Variants in ZFAND6 observed in about 807,000 individuals in gnomAD.
ZFAND6 encodes AN1-type zinc finger protein 6.
A neutral mutation model predicts 24.5 loss-of-function variants in ZFAND6; 12 were observed. The ratio of observed to expected loss-of-function variants is 0.49; its 90% confidence interval spans 0.31 to 0.79. ZFAND6 has a LOEUF of 0.79. Among genes scored for constraint, ZFAND6 ranks in the 30% least tolerant of loss-of-function variants. The pLI, the probability that ZFAND6 is intolerant of heterozygous loss-of-function variation, is 0.04. For synonymous variants in ZFAND6, 92 were observed against 81.5 expected (o/e 1.13, Z -0.69); for missense variants, 207 against 245.9 (o/e 0.84, Z 1.06).
intron 1 of ZFAND6, among the ~76,000 whole-genome samples, chr15:80,063,993 T>A (rs1443054349): frequency 1.3e-5 from 2 of 152,258 alleles, no homozygotes; most frequent in Non-Finnish European, 2.9e-5. Context: ...TGACCCAGAC[T>A]GGCCACATTT....
intron 1 of ZFAND6, among the ~76,000 whole-genome samples, chr15:80,097,082 C>A (rs1051049628): frequency 6.6e-6 from 1 of 151,508 alleles, no homozygotes; most frequent in Non-Finnish European, 1.5e-5. Flanking sequence ...ACACTGCAAC[C>A]TCCACCTCCC....
At chr15:80,087,720 ATATT>A (rs996793341) in intron 1 of ZFAND6, among the ~76,000 whole-genome samples, 2 of 152,078 alleles carry the variant, frequency 1.3e-5, no homozygotes, top group Non-Finnish European at 2.9e-5. Context: ...CTTTTAATTT[ATATT>A]TATTTTCAAA....
intron 2 of ZFAND6, among the ~76,000 whole-genome samples, chr15:80,105,239 T>A (rs1017140185): frequency 1.3e-5 from 2 of 152,250 alleles, no homozygotes; most frequent in African/African-American, 4.8e-5. Flanking sequence ...TACATCATTT[T>A]ATAAACTTTT....
intron 2 of ZFAND6, among the ~76,000 whole-genome samples, chr15:80,115,767 G>T (rs145474396): frequency 2.6e-4 from 39 of 151,818 alleles, no homozygotes; most frequent in African/African-American, 9.2e-4. Context: ...ATTTGATGCC[G>T]TGCAGGCAGT....
At chr15:80,091,160 G>GGGGTGTGTGT (rs367758438) in intron 1 of ZFAND6, among the ~76,000 whole-genome samples, 4 of 150,166 alleles carry the variant, frequency 2.7e-5, no homozygotes, top group Non-Finnish European at 5.9e-5. Flanking sequence ...GTTGTTAAGG[G>GGGGTGTGTGT]GTGTGTGTGT....
intron 1 of ZFAND6, among the ~76,000 whole-genome samples, chr15:80,087,806 T>C (rs995433971): frequency 2.0e-5 from 3 of 152,358 alleles, no homozygotes; most frequent in East Asian, 1.9e-4. Flanking sequence ...CCAATTGTTA[T>C]ACTGTGTCCT....
At chr15:80,099,691 A>G (rs2038934012) in intron 2 of ZFAND6, among the ~76,000 whole-genome samples, 1 of 128,000 alleles carries the variant, frequency 7.8e-6, no homozygotes, top group Non-Finnish European at 1.6e-5. Flanking sequence ...ATTTCTGCTC[A>G]CTGCATCCTC....
chr15:80,119,030 A>G (rs1301193490), intron 2 of ZFAND6, among the ~76,000 whole-genome samples: 2 of 152,148 alleles, frequency 1.3e-5, no homozygotes, highest in East Asian at 1.9e-4. Context: ...TGTAATACAT[A>G]TACACCCATT....
At chr15:80,114,064 G>T (rs1204431519) in intron 2 of ZFAND6, among the ~76,000 whole-genome samples, 3 of 152,174 alleles carry the variant, frequency 2.0e-5, no homozygotes. Context: ...GTTTCCAAGA[G>T]TGAGCATGAT....
intron 5 of ZFAND6, among the ~76,000 whole-genome samples, chr15:80,124,432 CAA>C (rs879814034): frequency 9.5e-6 from 1 of 105,276 alleles, no homozygotes; most frequent in Non-Finnish European, 2.0e-5. Context: ...GACTCCGTCT[CAA>C]AAAAAAAAAA....
intron 1 of ZFAND6, among the ~76,000 whole-genome samples, chr15:80,080,775 C>T (rs1018554942): frequency 2.4e-4 from 36 of 152,254 alleles, no homozygotes; most frequent in African/African-American, 3.9e-4. Context: ...ACAATCACTG[C>T]GGAAGCAAAG....
chr15:80,088,620 T>C (rs996206666), intron 1 of ZFAND6, among the ~76,000 whole-genome samples: 1 of 152,228 alleles, frequency 6.6e-6, no homozygotes, highest in Admixed American at 6.5e-5. Context: ...ATTGTTACCA[T>C]TGACATAATT....
chr15:80,113,785 GTATA>G (rs2039728806), intron 2 of ZFAND6, among the ~76,000 whole-genome samples: 1 of 127,080 alleles, frequency 7.9e-6, no homozygotes, highest in African/African-American at 3.0e-5. Context: ...GAACAGAGTT[GTATA>G]CCAGTGAGAA....
At chr15:80,100,977 A>G (rs2038995551) in intron 2 of ZFAND6, among the ~76,000 whole-genome samples, 1 of 152,194 alleles carries the variant, frequency 6.6e-6, no homozygotes, top group African/African-American at 2.4e-5. Flanking sequence ...GGTTGAGTGA[A>G]TCATCAGTGC....
At chr15:80,093,143 T>G (rs982393838) in intron 1 of ZFAND6, among the ~76,000 whole-genome samples, 15 of 151,468 alleles carry the variant, frequency 9.9e-5, no homozygotes, top group Non-Finnish European at 2.1e-4. Context: ...GTGTGTGTGT[T>G]TTTAGTAGAG....
chr15:80,124,133 T>C (rs1318026439), intron 5 of ZFAND6, among the ~76,000 whole-genome samples: 1 of 152,180 alleles, frequency 6.6e-6, no homozygotes, highest in Non-Finnish European at 1.5e-5. Flanking sequence ...ATGAGGAATC[T>C]TTAAAGAAAT....
chr15:80,110,133 C>G (rs940086333), intron 2 of ZFAND6, among the ~76,000 whole-genome samples: 1 of 152,178 alleles, frequency 6.6e-6, no homozygotes, highest in Non-Finnish European at 1.5e-5. Context: ...ACCACAGTGT[C>G]TCTTATGCCC....
intron 1 of ZFAND6, among the ~76,000 whole-genome samples, chr15:80,080,858 T>G (rs1250495013): frequency 6.6e-6 from 1 of 152,148 alleles, no homozygotes; most frequent in African/African-American, 2.4e-5. Flanking sequence ...CCACACACTT[T>G]TAAGCAGCCA....
chr15:80,123,895 TAAAC>T (rs2040257063), intron 5 of ZFAND6, among the ~76,000 whole-genome samples: 1 of 152,108 alleles, frequency 6.6e-6, no homozygotes, highest in East Asian at 1.9e-4. Flanking sequence ...AAGAATTAAA[TAAAC>T]AAATTTAAAT....
Sources: allele counts gnomAD v4.1 joint callset (sites outside exome capture counted in the v4.1 genomes callset), GRCh38; gene constraint gnomAD v4.1.1; transcripts MANE v1.5; gene names NCBI Gene and HGNC (gene_info 2026-07-23, HGNC 2026-07-21).